The following TIAM1 variants were observed in gnomAD, a reference collection of about 807,000 sequenced individuals.
The protein encoded by TIAM1 is TIAM Rac1 associated GEF 1.
Under a neutral mutation model 163.5 loss-of-function variants are expected in TIAM1, and 65 were observed. The ratio of observed to expected loss-of-function variants is 0.40; its 90% CI spans 0.33 to 0.49. TIAM1 has a LOEUF of 0.49. Among genes scored for constraint, TIAM1 ranks in the 20% least tolerant of loss-of-function variants. The probability of loss-of-function intolerance (pLI) is 0.77; values close to 1 mark genes in which losing one functional copy is unlikely to be tolerated. For missense variants in TIAM1, 1,789 were observed against 2,044.7 expected, an observed-to-expected ratio of 0.87 and a Z score of 2.41; for synonymous variants, 833 against 810.1, an observed-to-expected ratio of 1.03 and a Z score of -0.48.
At chr21:31,213,360 T>C in intron 10 of TIAM1, 38 bp downstream of exon 10, 1 of 1,570,880 alleles carries the variant, frequency 6.4e-7, no homozygotes, top group Non-Finnish European at 8.7e-7. Context: ...GATGCACTTG[T>C]GGTACTTTTA....
chr21:31,507,836 T>A (rs1041136137), intron 1 of TIAM1, among the ~76,000 whole-genome samples: 4 of 152,100 alleles, frequency 2.6e-5, no homozygotes, highest in African/African-American at 9.7e-5. Flanking sequence ...CAGGGGTGGG[T>A]GTGTGCTGTG....
chr21:31,361,685 T>A (rs1011451410), intron 2 of TIAM1, among the ~76,000 whole-genome samples: 1 of 152,186 alleles, frequency 6.6e-6, no homozygotes, highest in Non-Finnish European at 1.5e-5. Flanking sequence ...ATATCACTGC[T>A]TCATTAAACC....
chr21:31,523,914 T>A (rs2047690423), intron 1 of TIAM1, among the ~76,000 whole-genome samples: 1 of 132,502 alleles, frequency 7.5e-6, no homozygotes, highest in Non-Finnish European at 1.6e-5. Context: ...CCAGATTCCA[T>A]CTCAAAAAAA....
chr21:31,477,627 A>C (rs2045977048), intron 1 of TIAM1, among the ~76,000 whole-genome samples: 1 of 152,100 alleles, frequency 6.6e-6, no homozygotes. Flanking sequence ...GGTGCACGCC[A>C]CCACGCCCAG....
chr21:31,172,222 T>C (rs1330655467), intron 15 of TIAM1, among the ~76,000 whole-genome samples: 4 of 152,018 alleles, frequency 2.6e-5, no homozygotes, highest in Non-Finnish European at 4.4e-5. Flanking sequence ...GGAAAGGGCA[T>C]TGTTCTCACT....
intron 2 of TIAM1, among the ~76,000 whole-genome samples, chr21:31,433,085 C>G (rs576773321): frequency 1.4e-4 from 22 of 152,326 alleles, no homozygotes; most frequent in African/African-American, 5.3e-4. Context: ...TTTTCAGTCT[C>G]TCTCATTTCA....
At chr21:31,220,320 T>C (rs1311453194) in intron 8 of TIAM1, among the ~76,000 whole-genome samples, 4 of 152,322 alleles carry the variant, frequency 2.6e-5, no homozygotes, top group Non-Finnish European at 5.9e-5. Context: ...AACTGACGGA[T>C]GCCAGGCACT....
chr21:31,332,161 A>T (rs529093520), intron 2 of TIAM1, among the ~76,000 whole-genome samples: 18 of 152,348 alleles, frequency 1.2e-4, no homozygotes, highest in African/African-American at 3.8e-4. Flanking sequence ...AAAGGAAAGA[A>T]AGAAAAGGAA....
At chr21:31,326,133 C>T (rs976993362) in intron 2 of TIAM1, among the ~76,000 whole-genome samples, 9 of 152,132 alleles carry the variant, frequency 5.9e-5, no homozygotes, top group Admixed American at 2.6e-4. Context: ...ACTCCCCTCC[C>T]GCAGGTGAGC....
At chr21:31,164,516 C>T (rs903870305) in intron 16 of TIAM1, among the ~76,000 whole-genome samples, 2 of 152,078 alleles carry the variant, frequency 1.3e-5, no homozygotes, top group African/African-American at 4.8e-5. Flanking sequence ...TGGTTTCTTT[C>T]CCTTTAACAT....
At chr21:31,385,909 T>A (rs560809138) in intron 2 of TIAM1, among the ~76,000 whole-genome samples, 1 of 146,968 alleles carries the variant, frequency 6.8e-6, no homozygotes, top group African/African-American at 2.5e-5. Context: ...GTTAATATAA[T>A]TAATATATTA....
upstream of TIAM1, chr21:31,558,989 T>TGGGGCTGCGGGCGCCAAGGCGTCCGC: frequency 6.6e-6 from 1 of 151,602 alleles, no homozygotes; most frequent in Non-Finnish European, 1.5e-5. Context: ...GCCGTGCCCC[T>TGGGGCTGCGGGCGCCAAGGCGTCCGC]GGGGCTGCGG....
chr21:31,550,145 T>TAAAA (rs901389563), intron 1 of TIAM1, among the ~76,000 whole-genome samples: 5 of 148,006 alleles, frequency 3.4e-5, no homozygotes, highest in Non-Finnish European at 7.5e-5. Context: ...AAAAAGAATT[T>TAAAA]AAAAAAAAAA....
chr21:31,526,956 C>A (rs140983518), intron 1 of TIAM1, among the ~76,000 whole-genome samples: 24,319 of 152,102 alleles, frequency 0.16, 2,208 homozygotes, highest in Non-Finnish European at 0.21. Flanking sequence ...CCTGCCTCAG[C>A]CTCCCAAAGT....
chr21:31,349,807 C>T (rs983029145), intron 2 of TIAM1, among the ~76,000 whole-genome samples: 1 of 152,164 alleles, frequency 6.6e-6, no homozygotes, highest in African/African-American at 2.4e-5. Context: ...CAGCGACAAC[C>T]AGAAGAGTAA....
chr21:31,186,991 A>G lies in TIAM1; in HGVS notation c.2662+10T>C. 6.2e-7 allele frequency: 1 copy of G among 1,613,648 alleles called. No individual in the cohort carries two copies. The highest frequency in any genetic ancestry group is 8.5e-7 in the Non-Finnish European group (1 of 1,179,580). On this transcript the variant is annotated intron_variant, in intron 14 of 27. Coordinates refer to ENST00000541036, the MANE Select transcript of TIAM1 (RefSeq NM_001353694.2). The stretch of plus-strand genomic sequence containing the variant: ...AAGACAGACAGACCAGCCCTCCTTC[A>G]CTGACTTACCTTTCTTGGAAGCTAA...
intron 1 of TIAM1, among the ~76,000 whole-genome samples, chr21:31,533,725 C>G (rs2123238992): frequency 6.6e-6 from 1 of 152,252 alleles, no homozygotes; most frequent in Non-Finnish European, 1.5e-5. Flanking sequence ...GAGCAAGACC[C>G]TGTCTCTAAA....
At chr21:31,519,677 TA>T (rs1357707721) in intron 1 of TIAM1, among the ~76,000 whole-genome samples, 1 of 152,130 alleles carries the variant, frequency 6.6e-6, no homozygotes, top group East Asian at 1.9e-4. Context: ...CATGAACAGA[TA>T]AGCAAAAGGT....
At chr21:31,157,708 C>T (rs143880283) in intron 16 of TIAM1, among the ~76,000 whole-genome samples, 1 of 151,966 alleles carries the variant, frequency 6.6e-6, no homozygotes, top group East Asian at 1.9e-4. Flanking sequence ...AACCCGAGTA[C>T]CCAGAGAAAA....
Sources: gnomAD v4.1 joint callset for allele counts (sites outside exome capture counted in the v4.1 genomes callset) on GRCh38, gnomAD v4.1.1 for gene constraint, MANE v1.5 for transcripts, NCBI Gene and HGNC (gene_info 2026-07-23, HGNC 2026-07-21) for gene names.